The following SPATA17 variants were observed in gnomAD, a reference collection of about 807,000 sequenced individuals.
The protein encoded by SPATA17 is spermatogenesis associated 17.
SPATA17 carries 53 observed loss-of-function variants against 62.2 expected under a neutral mutation model. That is an observed-to-expected ratio of 0.85 (90% CI 0.68 to 1.07). SPATA17 has a LOEUF of 1.07. Among genes scored for constraint, SPATA17 ranks in the 50% least tolerant of loss-of-function variants. The pLI is 0.00. For synonymous variants in SPATA17, 146 were observed against 146.8 expected, an observed-to-expected ratio of 0.99 and a Z score of 0.04; for missense variants, 466 against 425.5, an observed-to-expected ratio of 1.10 and a Z score of -0.84.
In SPATA17 at chr1:217,869,607, GT is replaced by G. The variant is rs1676089141; in HGVS notation, c.*2589del. 1 of 152,094 alleles carries G rather than the reference GT, an allele frequency of 6.6e-6. No individual in the cohort carries two copies. Among genetic ancestry groups the G allele is most frequent in the South Asian group, 2.1e-4 (1 of 4,828 alleles). 9.4% of individuals were successfully genotyped at this position (152,094 alleles called of 1,614,324 possible). The stretch of plus-strand genomic sequence containing the variant: ...TATTTCAAGGCCTGATATTTGTCAT[GT>G]GATGCTATACTACAGTCAGGCTGAA... On this transcript the variant is annotated 3_prime_UTR_variant, in exon 11 of 11. Transcript: ENST00000366933.
At chr1:217,800,945 A>G (rs189914947) in intron 8 of SPATA17, among the ~76,000 whole-genome samples, 28 of 152,284 alleles carry the variant, frequency 1.8e-4, no homozygotes, top group African/African-American at 6.7e-4. Context: ...GAGAGTTTAT[A>G]TGGGTTTTAA....
At chr1:217,643,556 G>A (rs1255563011) in intron 1 of SPATA17, among the ~76,000 whole-genome samples, 3 of 151,906 alleles carry the variant, frequency 2.0e-5, no homozygotes, top group East Asian at 1.9e-4. Flanking sequence ...AGGCTCTGAC[G>A]CCTCATGCTG....
chr1:217,725,069 T>C (rs1007250682), intron 5 of SPATA17, among the ~76,000 whole-genome samples: 1 of 152,214 alleles, frequency 6.6e-6, no homozygotes, highest in African/African-American at 2.4e-5. Flanking sequence ...ATATTTTCTT[T>C]TGATATTTTA....
chr1:217,639,453 T>C (rs1481457909), intron 1 of SPATA17, among the ~76,000 whole-genome samples: 1 of 151,984 alleles, frequency 6.6e-6, no homozygotes, highest in Non-Finnish European at 1.5e-5. Flanking sequence ...CGTAATCAAG[T>C]AAAAATTAAA....
At chr1:217,666,071 C>A (rs997717637) in intron 3 of SPATA17, among the ~76,000 whole-genome samples, 1 of 152,046 alleles carries the variant, frequency 6.6e-6, no homozygotes, top group African/African-American at 2.4e-5. Flanking sequence ...AAATTGAGCA[C>A]CATGTTTCCA....
chr1:217,792,149 C>T (rs144611355), intron 8 of SPATA17, among the ~76,000 whole-genome samples: 9 of 152,142 alleles, frequency 5.9e-5, no homozygotes, highest in East Asian at 3.9e-4. Context: ...TGGCCCACGG[C>T]GCATGGGTTA....
chr1:217,848,675 G>A (rs1414658150), intron 9 of SPATA17, among the ~76,000 whole-genome samples: 1 of 152,042 alleles, frequency 6.6e-6, no homozygotes, highest in Non-Finnish European at 1.5e-5. Flanking sequence ...ATGTGTAATT[G>A]TATGTTAAAA....
At chr1:217,652,587 A>T (rs565388174) in intron 3 of SPATA17, among the ~76,000 whole-genome samples, 1 of 152,244 alleles carries the variant, frequency 6.6e-6, no homozygotes, top group African/African-American at 2.4e-5. Flanking sequence ...ACATCATTTT[A>T]AAAAAGTAAC....
intron 8 of SPATA17, among the ~76,000 whole-genome samples, chr1:217,786,848 A>T (rs1673885251): frequency 7.4e-6 from 1 of 135,494 alleles, no homozygotes; most frequent in South Asian, 2.3e-4. Context: ...CTTCTACTTG[A>T]AAGATTTTAA....
At position 217,796,077 on chromosome 1, in the gene SPATA17, C is replaced by T. The variant is rs374472314; in HGVS notation, c.873-5641C>T. Among the ~76,000 whole-genome samples, 63 of 152,152 alleles carry T rather than the reference C, an allele frequency of 4.1e-4. No individual in the cohort carries two copies. In the South Asian group the frequency reaches 0.012, roughly 29 times the overall value. ...CCTCCCAAAGTGCTAAGACTACAGG[C>T]GTGAGAAGTTTATGTTCTTTAAGTG... On this transcript the variant is annotated intron_variant, in intron 8 of 10. Transcript: ENST00000366933.
chr1:217,781,423 G>C (rs1673723723), intron 7 of SPATA17: 1 of 152,120 alleles, frequency 6.6e-6, no homozygotes. Flanking sequence ...AGCTGCCTTT[G>C]ATTTGTATTG....
intron 6 of SPATA17, among the ~76,000 whole-genome samples, chr1:217,756,399 C>T (rs1374206706): frequency 3.3e-5 from 5 of 151,708 alleles, no homozygotes; most frequent in Admixed American, 1.3e-4. Flanking sequence ...ACTCTGTGTG[C>T]CCCAAATTAA....
At chr1:217,679,387 G>A (rs1035217360) in intron 4 of SPATA17, among the ~76,000 whole-genome samples, 2 of 152,012 alleles carry the variant, frequency 1.3e-5, no homozygotes, top group African/African-American at 4.8e-5. Flanking sequence ...TATTCACAAG[G>A]ATATTGTGAG....
chr1:217,661,189 G>A lies in SPATA17; in HGVS notation c.241-7844G>A, dbSNP rs374940773. 2.6e-5 allele frequency among the ~76,000 whole-genome samples: 4 copies of A among 152,148 alleles called. No homozygotes were observed. In the South Asian group the frequency reaches 8.3e-4, roughly 32 times the overall value. ...GTGAACAGTACAGAATGGTGTCTAA[G>A]AATTGAGGCTTGTGGAATGCATTAG... is the stretch of plus-strand genomic sequence containing the variant. On this transcript the variant is annotated intron_variant, in intron 3 of 10. Coordinates refer to ENST00000366933, the MANE Select transcript of SPATA17 (RefSeq NM_138796.4).
intron 6 of SPATA17, among the ~76,000 whole-genome samples, chr1:217,751,240 A>G (rs1005285255): frequency 3.3e-5 from 5 of 152,234 alleles, no homozygotes; most frequent in African/African-American, 1.2e-4. Context: ...TGAATTGCTC[A>G]AAGCAATTTA....
intron 1 of SPATA17, among the ~76,000 whole-genome samples, chr1:217,644,616 A>C (rs566855027): frequency 6.6e-6 from 1 of 152,212 alleles, no homozygotes; most frequent in South Asian, 2.1e-4. Flanking sequence ...ATATTACTGG[A>C]AAGATATTTA....
At chr1:217,751,013 T>C (rs950003718) in intron 6 of SPATA17, among the ~76,000 whole-genome samples, 3 of 152,202 alleles carry the variant, frequency 2.0e-5, no homozygotes, top group Non-Finnish European at 4.4e-5. Context: ...TGGAAGGAAC[T>C]GTATCCTACC....
At chr1:217,812,427 G>A (rs1173804405) in intron 9 of SPATA17, among the ~76,000 whole-genome samples, 1 of 152,092 alleles carries the variant, frequency 6.6e-6, no homozygotes, top group Non-Finnish European at 1.5e-5. Context: ...AATCAATAAT[G>A]AAAAGTAGCA....
At position 217,801,786 on chromosome 1, in the gene SPATA17, A is replaced by G; in HGVS notation, c.941A>G (p.Tyr314Cys). The change falls in exon 9 of 11, where the codon TAT becomes TGT. Residue 314 changes from tyrosine to cysteine, a missense_variant. Physicochemically the swap from Tyr to Cys is radical, Grantham distance 194. Transcript: ENST00000366933. ...CCATCAATGCATTTATCAAGCAAGT[A>G]TGGTCCTATTTCTTACAAAGAACAA... ...YIPSMHLSSK[Y>C]GPISYKEQFR... 3 of 1,611,960 alleles carry G rather than the reference A, an allele frequency of 1.9e-6. No individual in the cohort carries two copies. The highest frequency in any genetic ancestry group is 2.5e-6 in the Non-Finnish European group (3 of 1,179,088).
Sources: allele counts gnomAD v4.1 joint callset (sites outside exome capture counted in the v4.1 genomes callset), GRCh38; gene constraint gnomAD v4.1.1; transcripts MANE v1.5; gene names NCBI Gene and HGNC (gene_info 2026-07-23, HGNC 2026-07-21).